CACNB2: variants seen among roughly 807,000 people sequenced by gnomAD.
CACNB2 encodes the protein calcium voltage-gated channel auxiliary subunit beta 2.
CACNB2 carries 42 observed loss-of-function variants against 73.3 expected under a neutral mutation model. That is an observed-to-expected ratio of 0.57 (90% CI 0.45 to 0.74). The LOEUF is 0.74. Ranked by LOEUF, CACNB2 falls within the 30% of genes least tolerant of loss-of-function variation. CACNB2 has a pLI of 0.00. For missense variants in CACNB2, 940 were observed against 853.0 expected (o/e 1.10, Z -1.27); for synonymous variants, 348 against 310.3 (o/e 1.12, Z -1.28).
chr10:18,170,501 C>T (rs975829183), intron 2 of CACNB2, among the ~76,000 whole-genome samples: 4 of 152,144 alleles, frequency 2.6e-5, no homozygotes, highest in African/African-American at 4.8e-5. Flanking sequence ...TGGGAATATA[C>T]GTGTAAATAT....
chr10:18,348,629 G>C (rs2041574960), intron 2 of CACNB2, among the ~76,000 whole-genome samples: 1 of 152,072 alleles, frequency 6.6e-6, no homozygotes, highest in Admixed American at 6.6e-5. Flanking sequence ...TCAGCCTCCC[G>C]AGTATCTGGG....
chr10:18,523,001 G>A (rs1205535095), intron 9 of CACNB2, among the ~76,000 whole-genome samples: 1 of 151,142 alleles, frequency 6.6e-6, no homozygotes, highest in African/African-American at 2.4e-5. Context: ...TTATAATCAA[G>A]GTCTTCTAAC....
At position 18,233,960 on chromosome 10, in the gene CACNB2, C is replaced by A. The variant is rs574791344; in HGVS notation, c.213+82985C>A. Reference sequence around the variant, plus strand: ...ATGTTCCTGCTCAGAGCATAGGCGTCCCCTACTGTTGCAAACCTAAGACTG... The same window carrying A: ...ATGTTCCTGCTCAGAGCATAGGCGTACCCTACTGTTGCAAACCTAAGACTG... On this transcript the variant is annotated intron_variant, in intron 2 of 13. Coordinates refer to ENST00000324631, the MANE Select transcript of CACNB2 (RefSeq NM_201596.3). 2.6e-5 allele frequency among the ~76,000 whole-genome samples: 4 copies of A among 152,314 alleles called. No individual in the cohort carries two copies. The South Asian group carries it at 8.3e-4, about 32-fold the overall frequency.
chr10:18,341,434 A>T (rs2041228876), intron 2 of CACNB2, among the ~76,000 whole-genome samples: 2 of 152,220 alleles, frequency 1.3e-5, no homozygotes, highest in South Asian at 4.1e-4. Flanking sequence ...TTTTGAATTT[A>T]ATAAAATACA....
At chr10:18,366,081 C>A (rs1049858083) in intron 2 of CACNB2, among the ~76,000 whole-genome samples, 2 of 152,198 alleles carry the variant, frequency 1.3e-5, no homozygotes, top group Non-Finnish European at 2.9e-5. Flanking sequence ...TTCCCATCTA[C>A]CTGGCTCACT....
At chr10:18,416,327 T>G (rs1163625502) in intron 3 of CACNB2, among the ~76,000 whole-genome samples, 2 of 152,236 alleles carry the variant, frequency 1.3e-5, no homozygotes, top group Admixed American at 6.5e-5. Context: ...ATTACATGTA[T>G]AGACCACATT....
At chr10:18,363,629 T>A (rs1165472425) in intron 2 of CACNB2, among the ~76,000 whole-genome samples, 1 of 152,210 alleles carries the variant, frequency 6.6e-6, no homozygotes. Flanking sequence ...TAGTATTTAA[T>A]AGCATGTTTA....
chr10:18,366,493 C>A (rs1179197991), intron 2 of CACNB2, among the ~76,000 whole-genome samples: 2 of 148,260 alleles, frequency 1.3e-5, no homozygotes, highest in East Asian at 4.1e-4. Flanking sequence ...ATTATCCTGG[C>A]CCAGCACTTT....
chr10:18,262,189 A>G (rs1293350122), intron 2 of CACNB2, among the ~76,000 whole-genome samples: 3 of 152,166 alleles, frequency 2.0e-5, no homozygotes, highest in South Asian at 4.1e-4. Context: ...TACTTAAAGT[A>G]TTGAAGGTAA....
intron 3 of CACNB2, among the ~76,000 whole-genome samples, chr10:18,463,996 C>G (rs775585470): frequency 1.8e-4 from 27 of 152,114 alleles, no homozygotes; most frequent in Non-Finnish European, 2.9e-4. Flanking sequence ...TTGCTCCCAA[C>G]AAGGCCACTA....
chr10:18,474,837 A>C (rs531997621), intron 3 of CACNB2, among the ~76,000 whole-genome samples: 1 of 151,826 alleles, frequency 6.6e-6, no homozygotes, highest in Non-Finnish European at 1.5e-5. Context: ...CTGCAATTCA[A>C]TTCTGACCTT....
At chr10:18,145,860 G>A (rs559745601) in intron 1 of CACNB2, among the ~76,000 whole-genome samples, 1 of 152,298 alleles carries the variant, frequency 6.6e-6, no homozygotes, top group East Asian at 1.9e-4. Flanking sequence ...CTGGCAGGAG[G>A]TAGACTGTGA....
At chr10:18,469,245 G>GA (rs2048055750) in intron 3 of CACNB2, among the ~76,000 whole-genome samples, 1 of 152,016 alleles carries the variant, frequency 6.6e-6, no homozygotes, top group East Asian at 1.9e-4. Context: ...GTCTCAGGGA[G>GA]AAAAAAAGAG....
At chr10:18,277,668 A>G (rs572864887) in intron 2 of CACNB2, among the ~76,000 whole-genome samples, 1 of 152,352 alleles carries the variant, frequency 6.6e-6, no homozygotes, top group East Asian at 1.9e-4. Flanking sequence ...CTTAATCTTC[A>G]GCTTAACAAT....
chr10:18,341,233 G>A (rs146363841), intron 2 of CACNB2, among the ~76,000 whole-genome samples: 1 of 152,150 alleles, frequency 6.6e-6, no homozygotes, highest in African/African-American at 2.4e-5. Flanking sequence ...AGAGAGTCCC[G>A]GTGCAGACAA....
intron 3 of CACNB2, among the ~76,000 whole-genome samples, chr10:18,441,201 C>T (rs1198933119): frequency 2.0e-5 from 3 of 152,044 alleles, no homozygotes; most frequent in Admixed American, 6.6e-5. Context: ...GTCAGGAGGT[C>T]GAGACCATCC....
intron 2 of CACNB2, among the ~76,000 whole-genome samples, chr10:18,271,152 G>A (rs994416730): frequency 2.0e-5 from 3 of 152,230 alleles, no homozygotes; most frequent in Admixed American, 2.0e-4. Flanking sequence ...TATGCAGAAA[G>A]TAGAAGAGAA....
At chr10:18,262,231 G>A (rs946877373) in intron 2 of CACNB2, among the ~76,000 whole-genome samples, 1 of 128,282 alleles carries the variant, frequency 7.8e-6, no homozygotes, top group African/African-American at 2.9e-5. Context: ...ATTGGCCACA[G>A]AAAAGAGATA....
At chr10:18,145,954 T>G (rs189320460) in intron 1 of CACNB2, among the ~76,000 whole-genome samples, 3 of 152,172 alleles carry the variant, frequency 2.0e-5, no homozygotes, top group Admixed American at 2.0e-4. Flanking sequence ...CTTCCTGGCC[T>G]CCTCCTTCCT....
Sources: allele counts gnomAD v4.1 joint callset (sites outside exome capture counted in the v4.1 genomes callset), GRCh38; gene constraint gnomAD v4.1.1; transcripts MANE v1.5; gene names NCBI Gene and HGNC (gene_info 2026-07-23, HGNC 2026-07-21).